EPS15: variants seen among roughly 807,000 people sequenced by gnomAD.
The protein encoded by EPS15 is epidermal growth factor receptor substrate 15.
Under a neutral mutation model 113.8 loss-of-function variants are expected in EPS15, and 72 were observed. The ratio of observed to expected loss-of-function variants is 0.63; its 90% confidence interval spans 0.52 to 0.77. The LOEUF (loss-of-function observed/expected upper bound fraction) is 0.77, where lower values mean the gene tolerates loss of function less well. EPS15 is among the 30% of genes least tolerant of loss of function. The pLI is 0.00. For missense variants in EPS15, 1,048 were observed against 1,045.8 expected, an observed-to-expected ratio of 1.00 and a Z score of -0.03; for synonymous variants, 344 against 363.4, an observed-to-expected ratio of 0.95 and a Z score of 0.61.
chr1:51,388,302 C>A (rs952526196), intron 21 of EPS15, among the ~76,000 whole-genome samples: 1 of 152,240 alleles, frequency 6.6e-6, no homozygotes, highest in African/African-American at 2.4e-5. Context: ...ACCAGAATCT[C>A]TGGGACACAT....
chr1:51,458,700 G>T, intron 8 of EPS15: 1 of 303,602 alleles, frequency 3.3e-6, no homozygotes, highest in Non-Finnish European at 6.8e-6. Context: ...TCCCGCCACT[G>T]CACTCCAGCC....
chr1:51,438,129 AC>A (rs1050421230), intron 12 of EPS15, among the ~76,000 whole-genome samples: 8 of 152,198 alleles, frequency 5.3e-5, no homozygotes, highest in Admixed American at 6.6e-5. Context: ...AATGGAGTTG[AC>A]AGATTATATA....
chr1:51,484,072 C>T (rs1181025156), intron 1 of EPS15, among the ~76,000 whole-genome samples: 2 of 152,064 alleles, frequency 1.3e-5, no homozygotes, highest in Admixed American at 6.5e-5. Context: ...GATTGTGCCA[C>T]TGCACTCTAG....
At chr1:51,364,966 A>C (rs1646475639) in intron 22 of EPS15, among the ~76,000 whole-genome samples, 1 of 151,720 alleles carries the variant, frequency 6.6e-6, no homozygotes, top group Admixed American at 6.6e-5. Flanking sequence ...AGCAGCTGGG[A>C]TTACAGGTGC....
At chr1:51,435,440 C>G (rs960366410) in intron 12 of EPS15, among the ~76,000 whole-genome samples, 1 of 152,166 alleles carries the variant, frequency 6.6e-6, no homozygotes, top group African/African-American at 2.4e-5. Flanking sequence ...GTGATCCACA[C>G]GCTGCAGCCT....
At chr1:51,371,323 T>C (rs1178918541) in intron 21 of EPS15, among the ~76,000 whole-genome samples, 2 of 152,178 alleles carry the variant, frequency 1.3e-5, no homozygotes, top group African/African-American at 4.8e-5. Flanking sequence ...ATTGTTATCG[T>C]AAGAGATGAC....
intron 8 of EPS15, among the ~76,000 whole-genome samples, chr1:51,453,524 A>G (rs1653742834): frequency 6.6e-6 from 1 of 152,164 alleles, no homozygotes; most frequent in African/African-American, 2.4e-5. Context: ...GCATTCACAC[A>G]CACACCAAAA....
In EPS15 at chr1:51,472,279, A is replaced by G. The variant is rs142046937; in HGVS notation, c.166-542T>C. Among the ~76,000 whole-genome samples the G allele has an allele frequency of 6.9e-3, 1,058 of 152,288 alleles. 7 individuals carry two copies. The highest frequency in any genetic ancestry group is 0.024 in the African/African-American group (1,014 of 41,560). ...AATCCAAGTTCTAACTCTGAGACCA[A>G]TGCTCTTTCTACTAGAATGTACATA... is the stretch of plus-strand genomic sequence containing the variant. On this transcript the variant is annotated intron_variant, in intron 3 of 24. Transcript: ENST00000371733.
chr1:51,357,478 T>G (rs1363741355), intron 24 of EPS15, among the ~76,000 whole-genome samples: 12 of 127,604 alleles, frequency 9.4e-5, no homozygotes, highest in Admixed American at 6.3e-4. Context: ...CTAAAAAAAG[T>G]AGAAATGCTT....
intron 1 of EPS15, among the ~76,000 whole-genome samples, chr1:51,493,787 T>G (rs1400025037): frequency 1.3e-5 from 2 of 151,020 alleles, no homozygotes; most frequent in South Asian, 2.1e-4. Flanking sequence ...AATTTTTGTA[T>G]TTTTTTTAGT....
intron 21 of EPS15, among the ~76,000 whole-genome samples, chr1:51,384,010 A>C (rs925732553): frequency 6.6e-6 from 1 of 152,216 alleles, no homozygotes; most frequent in Non-Finnish European, 1.5e-5. Flanking sequence ...AAAAGAATGA[A>C]ATACTTGGGA....
intron 8 of EPS15, among the ~76,000 whole-genome samples, chr1:51,456,268 A>C (rs1014442950): frequency 2.6e-5 from 4 of 152,226 alleles, no homozygotes; most frequent in African/African-American, 9.6e-5. Flanking sequence ...TAAAAAATCT[A>C]TACTGAAATT....
intron 8 of EPS15, among the ~76,000 whole-genome samples, chr1:51,460,756 C>T (rs1286713675): frequency 6.6e-6 from 1 of 152,014 alleles, no homozygotes; most frequent in East Asian, 1.9e-4. Flanking sequence ...GAGTTCAAGA[C>T]CAGCCTAGCC....
chr1:51,425,670 C>G (rs1390208807), intron 12 of EPS15, among the ~76,000 whole-genome samples: 1 of 152,168 alleles, frequency 6.6e-6, no homozygotes, highest in African/African-American at 2.4e-5. Flanking sequence ...CACAAGCAAA[C>G]AGAGAAAAAT....
chr1:51,439,895 G>T (rs995951279), intron 12 of EPS15, among the ~76,000 whole-genome samples: 2 of 152,008 alleles, frequency 1.3e-5, no homozygotes, highest in Non-Finnish European at 2.9e-5. Context: ...TCTTGGCATG[G>T]TGTCTGAATT....
At chr1:51,454,355 A>G (rs953291003) in intron 8 of EPS15, among the ~76,000 whole-genome samples, 4 of 152,196 alleles carry the variant, frequency 2.6e-5, no homozygotes, top group African/African-American at 4.8e-5. Flanking sequence ...TAAAAAGGGC[A>G]TGAGTCTATA....
intron 12 of EPS15, chr1:51,423,648 C>T (rs1030800608): frequency 1.0e-6 from 1 of 985,036 alleles, no homozygotes; most frequent in African/African-American, 1.7e-5. Context: ...GCAGTGCACA[C>T]ATTTGTACTG....
At position 51,383,462 on chromosome 1, in the gene EPS15, G is replaced by A. The variant is rs138555588; in HGVS notation, c.2119+10919C>T. On this transcript the variant is annotated intron_variant, in intron 21 of 24. Coordinates refer to ENST00000371733, the MANE Select transcript of EPS15 (RefSeq NM_001981.3). ...GGTGGGATGAGGGGAATGATTTCAG[G>A]ATGAAACTGTTCCACCTCAGATCAT... 4.4e-3 allele frequency among the ~76,000 whole-genome samples: 676 copies of A among 152,286 alleles called. 4 individuals are homozygous for A. Among genetic ancestry groups the A allele is most frequent in the Middle Eastern group, 6.8e-3 (2 of 292 alleles).
chr1:51,440,429 T>C lies in EPS15; in HGVS notation c.958A>G (p.Ile320Val). The C allele has an allele frequency of 1.3e-6, 2 of 1,551,384 alleles. No individual in the cohort carries two copies. The highest frequency in any genetic ancestry group is 1.8e-6 in the Non-Finnish European group (2 of 1,137,178). ...PSDRASLQKN[I>V]IGSSPVADFS... Reference sequence around the variant, plus strand: ...TCTGCAACAGGACTTGATCCTATGATGTTCTAAAAACAAAAAGTTCACAAT... The same window carrying C: ...TCTGCAACAGGACTTGATCCTATGACGTTCTAAAAACAAAAAGTTCACAAT... Residue 320 changes from isoleucine (I) to valine (V), a missense_variant, in exon 12 of 25, where the codon ATC becomes GTC. Ile to Val is a conservative substitution (Grantham distance 29). Coordinates refer to ENST00000371733, the MANE Select transcript of EPS15 (RefSeq NM_001981.3).
Sources: gnomAD v4.1 joint callset for allele counts (sites outside exome capture counted in the v4.1 genomes callset) on GRCh38, gnomAD v4.1.1 for gene constraint, MANE v1.5 for transcripts, NCBI Gene and HGNC (gene_info 2026-07-23, HGNC 2026-07-21) for gene names.